Variants in GCNT4 observed in about 807,000 individuals in gnomAD.
The protein encoded by GCNT4 is glucosaminyl (N-acetyl) transferase 4, also known as beta-1,3-galactosyl-O-glycosyl-glycoprotein beta-1,6-N-acetylglucosaminyltransferase 4.
Under a neutral mutation model 31.3 loss-of-function variants are expected in GCNT4, and 17 were observed. That is an observed-to-expected ratio of 0.54 (90% confidence interval 0.37 to 0.81). The LOEUF is 0.81. Ranked by LOEUF, GCNT4 falls within the 40% of genes least tolerant of loss-of-function variation. The pLI is 0.00. For synonymous variants in GCNT4, 158 were observed against 190.6 expected, an observed-to-expected ratio of 0.83 and a Z score of 1.41; for missense variants, 503 against 525.5, an observed-to-expected ratio of 0.96 and a Z score of 0.42.
rs779149178 is a variant in GCNT4, at chr5:75,029,199, T to G, written c.839A>C (p.Lys280Thr). The G allele has an allele frequency of 1.2e-6, 2 of 1,614,036 alleles. No homozygotes were observed. Among genetic ancestry groups the G allele is most frequent in the Non-Finnish European group, 1.7e-6 (2 of 1,180,026 alleles). Residue 280 changes from lysine to threonine, a missense_variant, in exon 4 of 4, where the codon AAG (lysine) becomes ACG (threonine). Coordinates refer to ENST00000652361, the MANE Select transcript of GCNT4 (RefSeq NM_001366737.1). ...GGAGATGTTTGTCCTTATTGGTAGC[T>G]TCACATATTCATAAGGCACCCGTCT... ...ELRRVPYEYVKLPIRTNISKE... is the reference protein window; with the variant it reads ...ELRRVPYEYVTLPIRTNISKE...
chr5:75,039,070 CTG>C (rs1414935888), intron 3 of GCNT4, among the ~76,000 whole-genome samples: 4 of 151,878 alleles, frequency 2.6e-5, no homozygotes, highest in African/African-American at 9.7e-5. Context: ...ATCTTATTCA[CTG>C]TTTTTTTTTG....
chr5:75,039,282 G>A (rs1486166100), intron 3 of GCNT4, among the ~76,000 whole-genome samples: 2 of 151,914 alleles, frequency 1.3e-5, no homozygotes, highest in Admixed American at 6.6e-5. Context: ...TAGTCGAGAC[G>A]GGGGTTTCAC....
In GCNT4 at chr5:75,029,773, CCA is replaced by C; in HGVS notation, c.263_264del (p.Leu88ArgfsTer9). On this transcript the variant is annotated frameshift_variant, in exon 4 of 4. Coordinates refer to ENST00000652361, the MANE Select transcript of GCNT4 (RefSeq NM_001366737.1). LOFTEE classifies it high-confidence loss of function. ...TCAATGATGTCCCTTCTTCTTATTT[CCA>C]GACTCTTTCCAATTTCCAAAGGCTC... ...EQEPLEIGKS[L>X]EIRRRDIIDL... 1 of 1,614,118 alleles carries C rather than the reference CCA, an allele frequency of 6.2e-7. No homozygotes were observed. Among genetic ancestry groups the C allele is most frequent in the Non-Finnish European group, 8.5e-7 (1 of 1,180,004 alleles).
At chr5:75,042,356 T>TAATAAATA (rs1743339746) in intron 3 of GCNT4, among the ~76,000 whole-genome samples, 1 of 152,244 alleles carries the variant, frequency 6.6e-6, no homozygotes, top group South Asian at 2.1e-4. Flanking sequence ...TTTCTCCACC[T>TAATAAATA]AATATCTACA....
intron 3 of GCNT4, among the ~76,000 whole-genome samples, chr5:75,035,345 A>G (rs1743172235): frequency 6.6e-6 from 1 of 152,244 alleles, no homozygotes; most frequent in South Asian, 2.1e-4. Flanking sequence ...GTCAAGAATG[A>G]GAGGAAGACT....
intron 3 of GCNT4, among the ~76,000 whole-genome samples, chr5:75,045,382 TA>T (rs1199141443): frequency 8.5e-5 from 13 of 152,230 alleles, no homozygotes; most frequent in African/African-American, 1.7e-4. Context: ...AATCATACAA[TA>T]TTTGTCCAAT....
At chr5:75,031,340 G>T (rs1743057817) in intron 3 of GCNT4, among the ~76,000 whole-genome samples, 1 of 152,178 alleles carries the variant, frequency 6.6e-6, no homozygotes, top group African/African-American at 2.4e-5. Flanking sequence ...CCAAAGTGCT[G>T]GGATTACAGG....
At chr5:75,035,989 C>G (rs1040926271) in intron 3 of GCNT4, among the ~76,000 whole-genome samples, 1 of 152,122 alleles carries the variant, frequency 6.6e-6, no homozygotes, top group African/African-American at 2.4e-5. Flanking sequence ...ATATTCATCC[C>G]TCAGTATATG....
In GCNT4 at chr5:75,032,923, GAT is replaced by G. The variant is rs1374041367; in HGVS notation, c.-1-2887_-1-2886del. On this transcript the variant is annotated intron_variant, in intron 3 of 3. Coordinates refer to ENST00000652361, the MANE Select transcript of GCNT4 (RefSeq NM_001366737.1). ...TGTGTGTGTGTGTGTGTGTGTGTGT[GAT>G]TAATTCATGGTTATTAGGTATAAAT... is the stretch of plus-strand genomic sequence containing the variant. Among the ~76,000 whole-genome samples the G allele has an allele frequency of 9.3e-5, 13 of 140,464 alleles. No individual in the cohort carries two copies. The South Asian group carries it at 1.8e-3, about 20-fold the overall frequency. The allele number at this position is 140,464 out of a possible 152,430, so 92.1% of individuals were successfully genotyped here.
chr5:75,018,084 C>T, the GCNT4 span, among the ~76,000 whole-genome samples: 4 of 152,056 alleles, frequency 2.6e-5, no homozygotes, highest in African/African-American at 9.7e-5. Context: ...TTTCTATGCC[C>T]GTTAAAGTTT....
intron 3 of GCNT4, among the ~76,000 whole-genome samples, chr5:75,040,547 G>A (rs1039219667): frequency 2.6e-5 from 4 of 152,072 alleles, no homozygotes; most frequent in Non-Finnish European, 4.4e-5. Context: ...ACTTAATCTT[G>A]GCAAATCTTT....
chr5:75,052,089 A>G (rs1327270823), intron 2 of GCNT4, 80 bp downstream of exon 2: 1 of 152,166 alleles, frequency 6.6e-6, no homozygotes, highest in Non-Finnish European at 1.5e-5. Context: ...AGTTTCTAGA[A>G]TGTTTTAGGC....
rs750029016 is a variant in GCNT4, at chr5:75,029,882, G to T, written c.156C>A (p.Thr52=). 1 of 1,613,958 alleles carries T rather than the reference G, an allele frequency of 6.2e-7. No homozygotes were observed. The highest frequency in any genetic ancestry group is 1.3e-5 in the African/African-American group (1 of 74,912). ...DIYLVEYSLS[T]SPFVRNRYTH... ...TGTATCTGTTTCTTACAAAAGGCGA[G>T]GTACTTAGGGAGTACTCAACCAAGT... The change falls in exon 4 of 4, where the codon ACC becomes ACA. Residue 52 remains threonine, a synonymous_variant. Coordinates refer to ENST00000652361, the MANE Select transcript of GCNT4 (RefSeq NM_001366737.1).
At chr5:75,018,834 G>A in the GCNT4 span, among the ~76,000 whole-genome samples, 1 of 152,128 alleles carries the variant, frequency 6.6e-6, no homozygotes, top group Non-Finnish European at 1.5e-5. Context: ...GAGTAAGGAA[G>A]TGAGGGGAGG....
intron 3 of GCNT4, among the ~76,000 whole-genome samples, chr5:75,041,615 C>A (rs1298710743): frequency 2.6e-5 from 4 of 152,146 alleles, no homozygotes; most frequent in Non-Finnish European, 5.9e-5. Flanking sequence ...AAATGAGTAA[C>A]CCACATCAGG....
intron 3 of GCNT4, among the ~76,000 whole-genome samples, chr5:75,043,854 A>G (rs1443668567): frequency 6.6e-6 from 1 of 152,254 alleles, no homozygotes; most frequent in Non-Finnish European, 1.5e-5. Context: ...GGCTACTTAT[A>G]CAACAGTACA....
chr5:75,026,534 G>A lies in GCNT4; in HGVS notation c.*2142C>T, dbSNP rs753616669. On this transcript the variant is annotated 3_prime_UTR_variant, in exon 4 of 4. Coordinates refer to ENST00000652361, the MANE Select transcript of GCNT4 (RefSeq NM_001366737.1). ...GAAAAGGTAAATGTTTAAGCCTTTC[G>A]ATGGGGTTGGACCTTTGCCTATACT... 8.6e-5 allele frequency: 13 copies of A among 150,638 alleles called. No individual in the cohort carries two copies. Among genetic ancestry groups the A allele is most frequent in the Non-Finnish European group, 1.3e-4 (9 of 67,808 alleles). The allele number at this position is 150,638 out of a possible 1,614,324, so 9.3% of individuals were successfully genotyped here. A position where few individuals can be genotyped will look rare whatever the true frequency, so the allele number is the denominator to read the frequency against.
chr5:75,020,134 A>C, the GCNT4 span, among the ~76,000 whole-genome samples: 1 of 152,244 alleles, frequency 6.6e-6, no homozygotes, highest in African/African-American at 2.4e-5. Flanking sequence ...AGAGTGACTC[A>C]GCGAGTTTAG....
Position 75,029,666 on chromosome 5 carries a change from G to T in GCNT4, c.372C>A (p.Val124=). 1 of 1,614,058 alleles carries T rather than the reference G, an allele frequency of 6.2e-7. No individual in the cohort carries two copies. Among genetic ancestry groups the T allele is most frequent in the Non-Finnish European group, 8.5e-7 (1 of 1,180,008 alleles). The change falls in exon 4 of 4, where the codon GTC becomes GTA. Residue 124 remains valine (V), a synonymous_variant. Transcript: ENST00000652361. ...QTLRGYAQKL[V]SKEEKSFPIA... is the part of the protein sequence containing the mutation. ...TTGGGAAGCTTTTCTCCTCCTTTGAGACAAGCTTTTGAGCATAACCTCTTA... is the reference window on the plus strand; with the variant it reads ...TTGGGAAGCTTTTCTCCTCCTTTGATACAAGCTTTTGAGCATAACCTCTTA...
Sources: gnomAD v4.1 joint callset for allele counts (sites outside exome capture counted in the v4.1 genomes callset) on GRCh38, gnomAD v4.1.1 for gene constraint, MANE v1.5 for transcripts, NCBI Gene and HGNC (gene_info 2026-07-23, HGNC 2026-07-21) for gene names.